The following POC5 variants were observed in gnomAD, a reference collection of about 807,000 sequenced individuals.
The protein encoded by POC5 is centrosomal protein POC5.
POC5 carries 48 observed loss-of-function variants against 62.9 expected under a neutral mutation model. That is an observed-to-expected ratio of 0.76 (90% CI 0.61 to 0.97). POC5 has a LOEUF of 0.97. Ranked by LOEUF, POC5 falls within the 50% of genes least tolerant of loss-of-function variation. POC5 has a pLI of 0.00. For missense variants in POC5, 696 were observed against 679.5 expected (o/e 1.02, Z -0.27); for synonymous variants, 236 against 228.2 (o/e 1.03, Z -0.31).
rs1239204788 is a variant in POC5 at position 75,677,754 on chromosome 5, G to T, written c.1584+20C>A. ...CAGGAAAAAGACTTTTTGACAAAAG[G>T]TCATCAAATGTGGACTCACCACTGT... On this transcript the variant is annotated intron_variant, in intron 11 of 11. Transcript: ENST00000428202. 2 of 1,539,982 alleles carry T rather than the reference G, an allele frequency of 1.3e-6. No individual in the cohort carries two copies. Among genetic ancestry groups the T allele is most frequent in the East Asian group, 2.4e-5 (1 of 41,940 alleles).
rs757533955 is a variant in POC5, at chr5:75,689,000, T to C, written c.1129+12A>G. ...TTGAAATTAGGCAGAGAAACTTTAA[T>C]GAAATACTAACCTGCATCATTTCTG... is the stretch of plus-strand genomic sequence containing the variant. On this transcript the variant is annotated intron_variant, in intron 9 of 11. Transcript: ENST00000428202. The C allele has an allele frequency of 4.6e-6, 7 of 1,528,530 alleles. No individual in the cohort carries two copies. In the African/African-American group the frequency reaches 9.7e-5, roughly 21 times the overall value. The allele number at this position is 1,528,530 out of a possible 1,614,324, so 94.7% of individuals were successfully genotyped here.
At chr5:75,688,322 A>G (rs1776181268) in intron 9 of POC5, among the ~76,000 whole-genome samples, 8 of 152,192 alleles carry the variant, frequency 5.3e-5, no homozygotes. Context: ...AGAAGCCCCT[A>G]GGAAGCAGGT....
At position 75,699,448 on chromosome 5, in the gene POC5, C is replaced by T. The variant is rs1410841232; in HGVS notation, c.513+3157G>A. On this transcript the variant is annotated intron_variant, in intron 5 of 11. Transcript: ENST00000428202. ...TCAATAATGTAATCCAGCATATAAA[C>T]AGAACCAAAGACAAAAACCACATGA... is the stretch of plus-strand genomic sequence containing the variant. Among the ~76,000 whole-genome samples, 6 of 151,636 alleles carry T rather than the reference C, an allele frequency of 4.0e-5. No homozygotes were observed. In the East Asian group the frequency reaches 1.2e-3, roughly 29 times the overall value.
intron 8 of POC5, 79 bp from the exon 9 acceptor site, chr5:75,689,244 G>T: frequency 1.4e-6 from 2 of 1,402,578 alleles, no homozygotes; most frequent in East Asian, 5.1e-5. Context: ...TATATACTTT[G>T]AGATTATTCT....
chr5:75,714,611 T>C (rs187868576), intron 1 of POC5, among the ~76,000 whole-genome samples: 2 of 152,104 alleles, frequency 1.3e-5, no homozygotes, highest in East Asian at 3.9e-4. Context: ...AGATCTCCGG[T>C]TTGGGTAACT....
At chr5:75,676,136 G>C (rs746039787) in intron 11 of POC5, among the ~76,000 whole-genome samples, 1 of 152,200 alleles carries the variant, frequency 6.6e-6, no homozygotes, top group Non-Finnish European at 1.5e-5. Flanking sequence ...TGTAAAATAT[G>C]AATTCCCATC....
chr5:75,684,895 T>C (rs1455695707), intron 10 of POC5, among the ~76,000 whole-genome samples: 2 of 147,760 alleles, frequency 1.4e-5, no homozygotes, highest in African/African-American at 5.0e-5. Flanking sequence ...TGAGATGGAG[T>C]CTCGCTCTGT....
At chr5:75,688,924 T>C in intron 9 of POC5, 88 bp downstream of exon 9, 2 of 1,252,160 alleles carry the variant, frequency 1.6e-6, no homozygotes, top group Non-Finnish European at 2.1e-6. Context: ...CTACTGCAGA[T>C]TATTTGTACT....
intron 5 of POC5, among the ~76,000 whole-genome samples, chr5:75,702,242 A>G (rs563143855): frequency 6.6e-6 from 1 of 152,094 alleles, no homozygotes; most frequent in Non-Finnish European, 1.5e-5. Context: ...TGACAGGTTG[A>G]TAGGTGCAGC....
chr5:75,707,977 C>T, intron 2 of POC5, 102 bp from the exon 3 acceptor site: 1 of 1,042,610 alleles, frequency 9.6e-7, no homozygotes, highest in East Asian at 2.7e-5. Flanking sequence ...TAATAGAGTC[C>T]CATGCTTATT....
At chr5:75,714,248 G>T (rs1777463116) in intron 1 of POC5, among the ~76,000 whole-genome samples, 1 of 152,140 alleles carries the variant, frequency 6.6e-6, no homozygotes, top group Non-Finnish European at 1.5e-5. Context: ...CGAGCCTGGT[G>T]GCAGGTGCCT....
chr5:75,699,054 G>T (rs1350245034), intron 5 of POC5, among the ~76,000 whole-genome samples: 1 of 152,038 alleles, frequency 6.6e-6, no homozygotes, highest in Non-Finnish European at 1.5e-5. Context: ...AATAACAGGA[G>T]CTGATATTGT....
At chr5:75,703,685 T>C (rs1776996540) in intron 4 of POC5, among the ~76,000 whole-genome samples, 1 of 152,088 alleles carries the variant, frequency 6.6e-6, no homozygotes, top group Non-Finnish European at 1.5e-5. Flanking sequence ...AAGAGACTCA[T>C]AATTTAGTTT....
intron 7 of POC5, among the ~76,000 whole-genome samples, chr5:75,691,597 AT>A (rs1279710256): frequency 6.6e-6 from 1 of 152,182 alleles, no homozygotes; most frequent in Non-Finnish European, 1.5e-5. Context: ...GGTGCCAAAC[AT>A]TTTGGATAAG....
chr5:75,707,563 C>T (rs118044642), intron 3 of POC5, 174 bp downstream of exon 3: 21 of 489,626 alleles, frequency 4.3e-5, no homozygotes, highest in South Asian at 1.3e-4. Flanking sequence ...AGCTGTCACA[C>T]GAGAGTCAGG....
intron 10 of POC5, among the ~76,000 whole-genome samples, chr5:75,684,354 T>A: frequency 6.6e-6 from 1 of 151,308 alleles, no homozygotes; most frequent in Non-Finnish European, 1.5e-5. Flanking sequence ...AATCTACTTT[T>A]CCTACATAAT....
intron 10 of POC5, among the ~76,000 whole-genome samples, chr5:75,681,943 C>T (rs1167107291): frequency 6.6e-6 from 1 of 152,094 alleles, no homozygotes; most frequent in Non-Finnish European, 1.5e-5. Flanking sequence ...CTTTTAAAAA[C>T]AAAAACACAT....
intron 8 of POC5, 24 bp downstream of exon 8, chr5:75,690,359 T>C (rs1776275676): frequency 1.3e-6 from 2 of 1,576,454 alleles, no homozygotes; most frequent in African/African-American, 1.4e-5. Flanking sequence ...TAGAAGAAAG[T>C]GAAAACCAGA....
chr5:75,700,901 T>C (rs1288033996), intron 5 of POC5, among the ~76,000 whole-genome samples: 1 of 137,366 alleles, frequency 7.3e-6, no homozygotes. Context: ...CATCAAAAAG[T>C]GGGCAAAGGA....
Sources: allele counts gnomAD v4.1 joint callset (sites outside exome capture counted in the v4.1 genomes callset), GRCh38; gene constraint gnomAD v4.1.1; transcripts MANE v1.5; gene names NCBI Gene and HGNC (gene_info 2026-07-23, HGNC 2026-07-21).